The following IMMP2L variants were observed in gnomAD, a reference collection of about 807,000 sequenced individuals.
The protein encoded by IMMP2L is mitochondrial inner membrane protease subunit 2.
A neutral mutation model predicts 19.3 loss-of-function variants in IMMP2L; 18 were observed. The ratio of observed to expected loss-of-function variants is 0.93; its 90% confidence interval spans 0.64 to 1.38. The LOEUF (loss-of-function observed/expected upper bound fraction) is 1.38. Among genes scored for constraint, IMMP2L ranks in the 40% most tolerant of loss-of-function variants. The pLI is 0.00. For synonymous variants in IMMP2L, 76 were observed against 73.0 expected (o/e 1.04, Z -0.21); for missense variants, 233 against 218.2 (o/e 1.07, Z -0.43).
chr7:111,428,557 T>C (rs1836315380), intron 3 of IMMP2L, among the ~76,000 whole-genome samples: 1 of 147,214 alleles, frequency 6.8e-6, no homozygotes, highest in Non-Finnish European at 1.5e-5. Context: ...AAATTTTCTT[T>C]GATACAGTAA....
At chr7:111,120,738 T>C (rs991823407) in intron 3 of IMMP2L, among the ~76,000 whole-genome samples, 1 of 152,160 alleles carries the variant, frequency 6.6e-6, no homozygotes, top group African/African-American at 2.4e-5. Flanking sequence ...AGTCACTTTA[T>C]GCAAAGGAGA....
intron 3 of IMMP2L, among the ~76,000 whole-genome samples, chr7:111,051,289 TA>T (rs1273530097): frequency 6.6e-6 from 1 of 152,216 alleles, no homozygotes; most frequent in Non-Finnish European, 1.5e-5. Context: ...GTTTTTCTCT[TA>T]TGTCACTGAG....
intron 5 of IMMP2L, among the ~76,000 whole-genome samples, chr7:110,874,614 TTG>T (rs1439988766): frequency 6.6e-6 from 1 of 151,880 alleles, no homozygotes; most frequent in East Asian, 1.9e-4. Context: ...CTTAAGGTGG[TTG>T]CTTTCTTTAA....
intron 3 of IMMP2L, among the ~76,000 whole-genome samples, chr7:111,469,769 C>A (rs79995383): frequency 0.38 from 57,004 of 151,862 alleles, 12,483 homozygotes; most frequent in Non-Finnish European, 0.49. Context: ...ACCATAAAAA[C>A]CCTAGAAGAA....
chr7:111,329,054 A>G (rs1825619703), intron 3 of IMMP2L, among the ~76,000 whole-genome samples: 1 of 151,892 alleles, frequency 6.6e-6, no homozygotes, highest in South Asian at 2.1e-4. Context: ...CAATAATTTA[A>G]AAGATCGTCA....
At chr7:110,873,342 A>G (rs1402871627) in intron 5 of IMMP2L, among the ~76,000 whole-genome samples, 1 of 143,880 alleles carries the variant, frequency 7.0e-6, no homozygotes, top group East Asian at 2.2e-4. Flanking sequence ...AGGCACAAAA[A>G]TCCTTTGAAC....
chr7:111,316,407 C>G (rs1751510136), intron 3 of IMMP2L, among the ~76,000 whole-genome samples: 1 of 151,956 alleles, frequency 6.6e-6, no homozygotes, highest in Non-Finnish European at 1.5e-5. Context: ...TGTTAAGAGC[C>G]AACAAAGTAA....
intron 5 of IMMP2L, among the ~76,000 whole-genome samples, chr7:110,875,727 G>A (rs537479510): frequency 2.0e-5 from 3 of 152,200 alleles, no homozygotes; most frequent in South Asian, 2.1e-4. Context: ...TGGTTTGGTC[G>A]AAGCTCTTCA....
At chr7:111,251,097 C>T (rs554389584) in intron 3 of IMMP2L, among the ~76,000 whole-genome samples, 68 of 152,176 alleles carry the variant, frequency 4.5e-4, no homozygotes, top group African/African-American at 1.6e-3. Context: ...AGGACATGAA[C>T]AGACACTTCT....
chr7:110,767,229 G>GT (rs1351535856), intron 5 of IMMP2L, among the ~76,000 whole-genome samples: 3 of 152,114 alleles, frequency 2.0e-5, no homozygotes, highest in African/African-American at 7.2e-5. Context: ...AAAAGAACCA[G>GT]TTTGTGTTTT....
intron 5 of IMMP2L, among the ~76,000 whole-genome samples, chr7:110,679,480 T>C (rs1792549376): frequency 6.6e-6 from 1 of 152,100 alleles, no homozygotes; most frequent in Non-Finnish European, 1.5e-5. Flanking sequence ...TTCATATATA[T>C]ACATGAGTGG....
chr7:111,374,655 C>A (rs1830526457), intron 3 of IMMP2L, among the ~76,000 whole-genome samples: 1 of 151,996 alleles, frequency 6.6e-6, no homozygotes, highest in Non-Finnish European at 1.5e-5. Flanking sequence ...ACAGTCAGAC[C>A]CTGAGAGTCA....
intron 5 of IMMP2L, among the ~76,000 whole-genome samples, chr7:110,844,911 A>T (rs1385929625): frequency 6.6e-6 from 1 of 152,022 alleles, no homozygotes; most frequent in Non-Finnish European, 1.5e-5. Flanking sequence ...AGTGCAATTA[A>T]GAGGATTGAA....
chr7:111,398,880 T>C (rs976216677), intron 3 of IMMP2L, among the ~76,000 whole-genome samples: 4 of 139,134 alleles, frequency 2.9e-5, no homozygotes, highest in Non-Finnish European at 4.6e-5. Flanking sequence ...TTACAATAGC[T>C]GCAAAAAAAA....
intron 3 of IMMP2L, among the ~76,000 whole-genome samples, chr7:111,342,357 G>T (rs1827101032): frequency 6.6e-6 from 1 of 152,148 alleles, no homozygotes; most frequent in Non-Finnish European, 1.5e-5. Flanking sequence ...ACCTTGGGAG[G>T]CCGAGGTGAG....
chr7:110,986,202 T>C lies in IMMP2L; in HGVS notation c.240-22637A>G, dbSNP rs567120485. The stretch of plus-strand genomic sequence containing the variant: ...CTCAGAATTAATTTCATTTAAAATA[T>C]GCTGAGCTTAAAAAAAAAACAAAGT... On this transcript the variant is annotated intron_variant, in intron 3 of 5. Transcript: ENST00000405709. Among the ~76,000 whole-genome samples the C allele has an allele frequency of 6.2e-3, 949 of 152,142 alleles. 8 individuals are homozygous for C. Among genetic ancestry groups the C allele is most frequent in the Non-Finnish European group, 8.9e-3 (602 of 67,978 alleles).
chr7:110,977,873 T>C (rs1345457816), intron 3 of IMMP2L, among the ~76,000 whole-genome samples: 2 of 152,048 alleles, frequency 1.3e-5, no homozygotes, highest in Non-Finnish European at 2.9e-5. Context: ...TTATGAGCTG[T>C]TAAATTCGTA....
chr7:110,917,802 C>T (rs1020317483), intron 4 of IMMP2L, among the ~76,000 whole-genome samples: 2 of 151,918 alleles, frequency 1.3e-5, no homozygotes, highest in Admixed American at 6.6e-5. Context: ...CATCAGTTGC[C>T]TGGCAAAAAG....
intron 5 of IMMP2L, among the ~76,000 whole-genome samples, chr7:110,833,456 AGAG>A (rs1804157545): frequency 7.8e-6 from 1 of 127,980 alleles, no homozygotes; most frequent in Non-Finnish European, 1.8e-5. Flanking sequence ...AAAAAAAAAA[AGAG>A]AGAGAGAGCT....
Sources: gnomAD v4.1 joint callset for allele counts (sites outside exome capture counted in the v4.1 genomes callset) on GRCh38, gnomAD v4.1.1 for gene constraint, MANE v1.5 for transcripts, NCBI Gene and HGNC (gene_info 2026-07-23, HGNC 2026-07-21) for gene names.